The following JAG2 variants were observed in gnomAD, a reference collection of about 807,000 sequenced individuals.
JAG2 encodes jagged canonical Notch ligand 2.
Under a neutral mutation model 141.7 loss-of-function variants are expected in JAG2, and 46 were observed. The ratio of observed to expected loss-of-function variants is 0.32; its 90% CI spans 0.26 to 0.42. The LOEUF (loss-of-function observed/expected upper bound fraction) is 0.42, where lower values mean the gene tolerates loss of function less well. Among genes scored for constraint, JAG2 ranks in the 10% least tolerant of loss-of-function variants. The pLI, the probability that JAG2 is intolerant of heterozygous loss-of-function variation, is 1.00. For missense variants in JAG2, 1,500 were observed against 1,817.5 expected (o/e 0.83, Z 3.18); for synonymous variants, 862 against 763.5 (o/e 1.13, Z -2.13).
At chr14:105,157,212 C>CCCCGG (rs1168817348) in intron 3 of JAG2, among the ~76,000 whole-genome samples, 1 of 152,170 alleles carries the variant, frequency 6.6e-6, no homozygotes, top group African/African-American at 2.4e-5. Context: ...CTGAGCCCAG[C>CCCCGG]CCCGGCTGCT....
rs1888132453 is a variant in JAG2, at chr14:105,143,623, T to C, written c.3100A>G (p.Arg1034Gly). ...VEVAVSFSPA[R>G]DLPDSSLIQG... ...ATCAGGCTGCTGTCAGGCAGGTCCC[T>C]GGCAGGGCTGAAGGACTGCGGCAAA... is the stretch of plus-strand genomic sequence containing the variant. The change falls in exon 25 of 26, where the codon AGG becomes GGG. Residue 1034 changes from arginine to glycine, a missense_variant. Arg to Gly is a moderately radical substitution (Grantham distance 125). Transcript: ENST00000331782. 1.9e-6 allele frequency: 3 copies of C among 1,607,864 alleles called. No homozygotes were observed. The highest frequency in any genetic ancestry group is 3.3e-5 in the Admixed American group (2 of 59,934).
intron 7 of JAG2, 57 bp from the exon 8 acceptor site, chr14:105,151,796 G>A: frequency 1.3e-6 from 2 of 1,597,974 alleles, no homozygotes; most frequent in South Asian, 1.1e-5. Context: ...CTTTCCACAA[G>A]CACTCCTCCC....
chr14:105,159,626 C>A (rs587630748), intron 2 of JAG2, among the ~76,000 whole-genome samples: 9 of 132,942 alleles, frequency 6.8e-5, no homozygotes, highest in Non-Finnish European at 1.4e-4. Flanking sequence ...GAACTCAATC[C>A]ACATCCCCCA....
At position 105,148,042 on chromosome 14, in the gene JAG2, C is replaced by T. The variant is rs962298589; in HGVS notation, c.2248+74G>A. ...GTGGCCCTCAAAAAAGACCCCTCGG[C>T]CCATCGCGCCCGAGGGAGCGGTGCC... On this transcript the variant is annotated intron_variant, in intron 17 of 25. Coordinates refer to ENST00000331782, the MANE Select transcript of JAG2 (RefSeq NM_002226.5). The T allele has an allele frequency of 1.1e-5, 14 of 1,288,268 alleles. No homozygotes were observed. The Admixed American group carries it at 1.6e-4, about 15-fold the overall frequency. The allele number at this position is 1,288,268 out of a possible 1,614,324, so 79.8% of individuals were successfully genotyped here. A position where few individuals can be genotyped will look rare whatever the true frequency, so the allele number is the denominator to read the frequency against.
intron 2 of JAG2, among the ~76,000 whole-genome samples, chr14:105,160,734 G>A (rs1473837181): frequency 9.2e-5 from 14 of 152,184 alleles, no homozygotes; most frequent in African/African-American, 2.2e-4. Context: ...ATGGTGGCAG[G>A]TGTCTGTAGT....
Position 105,151,313 on chromosome 14 carries a change from C to A in JAG2, c.1237G>T (p.Glu413Ter). Residue 413 changes from glutamate to a stop codon, truncating the protein, a stop_gained, in exon 9 of 26, where the codon GAG becomes TAG. Transcript: ENST00000331782. LOFTEE classifies it high-confidence loss of function. ...QVDGFECICP[E>*]QWVGATCQLD... ...TGGCAGGTGGCCCCCACCCACTGCT[C>A]GGGGCAGATGCACTCAAAGCCGTCC... 6.2e-7 allele frequency: 1 copy of A among 1,612,690 alleles called. No homozygotes were observed. Among genetic ancestry groups the A allele is most frequent in the Non-Finnish European group, 8.5e-7 (1 of 1,179,940 alleles).
chr14:105,158,254 G>A (rs1045915120), intron 2 of JAG2, among the ~76,000 whole-genome samples: 4 of 152,128 alleles, frequency 2.6e-5, no homozygotes, highest in African/African-American at 4.8e-5. Flanking sequence ...CCAAGTGCAC[G>A]GGGTGGCCAA....
Position 105,147,488 on chromosome 14 carries a change from G to A in JAG2, c.2393+12C>T, listed in dbSNP as rs777313893. The stretch of plus-strand genomic sequence containing the variant: ...CACCCACCCCTGCTGTGGCCCCCAG[G>A]GTGCCACTCACCAAGGCAGAGGGTT... On this transcript the variant is annotated intron_variant, in intron 19 of 25. Coordinates refer to ENST00000331782, the MANE Select transcript of JAG2 (RefSeq NM_002226.5). The A allele has an allele frequency of 6.8e-6, 11 of 1,611,572 alleles. No individual in the cohort carries two copies. The Admixed American group carries it at 1.5e-4, about 22-fold the overall frequency.
intron 2 of JAG2, among the ~76,000 whole-genome samples, chr14:105,166,040 C>T (rs1479602557): frequency 2.6e-5 from 4 of 152,228 alleles, no homozygotes; most frequent in Admixed American, 1.3e-4. Flanking sequence ...CCCCCAAACA[C>T]GCAGCTATGA....
In JAG2 at chr14:105,151,102, C is replaced by T. The variant is rs1595178725; in HGVS notation, c.1270G>A (p.Ala424Thr). The T allele has an allele frequency of 6.2e-7, 1 of 1,609,426 alleles. No individual in the cohort carries two copies. Among genetic ancestry groups the T allele is most frequent in the Non-Finnish European group, 8.5e-7 (1 of 1,178,262 alleles). Reference sequence around the variant, plus strand: ...CATGGCTTCCCTTCACACTCATTGGCGTCTGTGAAAGAGACAAGGTGGGAG... The same window carrying T: ...CATGGCTTCCCTTCACACTCATTGGTGTCTGTGAAAGAGACAAGGTGGGAG... ...QWVGATCQLD[A>T]NECEGKPCLN... The change falls in exon 10 of 26, where the codon GCC (alanine) becomes ACC (threonine). Residue 424 changes from alanine to threonine, a missense_variant and splice_region_variant. Physicochemically the swap from Ala to Thr is moderately conservative, Grantham distance 58. Transcript: ENST00000331782.
intron 12 of JAG2, 50 bp downstream of exon 12, chr14:105,150,554 C>G: frequency 6.6e-7 from 1 of 1,519,918 alleles, no homozygotes; most frequent in Non-Finnish European, 8.9e-7. Context: ...GAGGCCTGCC[C>G]TACAGCTCCC....
chr14:105,166,695 C>T (rs919810768), intron 2 of JAG2, among the ~76,000 whole-genome samples: 3 of 152,196 alleles, frequency 2.0e-5, no homozygotes, highest in South Asian at 2.1e-4. Flanking sequence ...GCCCAACTGG[C>T]GTGAGCTCGG....
intron 2 of JAG2, among the ~76,000 whole-genome samples, chr14:105,161,034 C>G (rs948250120): frequency 6.6e-6 from 1 of 152,154 alleles, no homozygotes; most frequent in Non-Finnish European, 1.5e-5. Flanking sequence ...CCAGACCCCA[C>G]CACGGACTTC....
chr14:105,150,957 G>A (rs587629778), intron 10 of JAG2, 34 bp downstream of exon 10: 121 of 1,597,486 alleles, frequency 7.6e-5, no homozygotes, highest in South Asian at 1.7e-4. Context: ...CATGTGCCTC[G>A]GCCCACCCGC....
intron 16 of JAG2, 47 bp from the exon 17 acceptor site, chr14:105,148,276 GC>G: frequency 6.3e-7 from 1 of 1,582,368 alleles, no homozygotes; most frequent in Non-Finnish European, 8.6e-7. Flanking sequence ...GACCGCCAGG[GC>G]CAGGGTCCTG....
In JAG2 at chr14:105,146,093, C is replaced by G. The variant is rs901241475; in HGVS notation, c.2710-120G>C. 4.7e-6 allele frequency: 7 copies of G among 1,479,808 alleles called. No individual in the cohort carries two copies. In the African/African-American group the frequency reaches 8.3e-5, roughly 18 times the overall value. The allele number at this position is 1,479,808 out of a possible 1,614,324, so 91.7% of individuals were successfully genotyped here. A position where few individuals can be genotyped will look rare whatever the true frequency, so the allele number is the denominator to read the frequency against. ...TGCCAAGGAGGGACACCGCCCAAGT[C>G]TGTGAGCCCCAGGGCCCAGCCCACC... On this transcript the variant is annotated intron_variant, in intron 22 of 25. Transcript: ENST00000331782.
intron 25 of JAG2, 133 bp from the exon 26 acceptor site, chr14:105,143,303 G>A (rs1595170824): frequency 5.3e-6 from 7 of 1,314,436 alleles, no homozygotes; most frequent in African/African-American, 4.4e-5. Flanking sequence ...GGCTCGTGGG[G>A]AGGGTCCCAG....
intron 12 of JAG2, among the ~76,000 whole-genome samples, 184 bp downstream of exon 12, chr14:105,150,420 C>G (rs1057222563): frequency 1.3e-5 from 2 of 152,172 alleles, no homozygotes; most frequent in Non-Finnish European, 2.9e-5. Context: ...GGGGGCCAAG[C>G]CTGGTGACCT....
At chr14:105,162,074 C>CA (rs1437177813) in intron 2 of JAG2, among the ~76,000 whole-genome samples, 1 of 152,116 alleles carries the variant, frequency 6.6e-6, no homozygotes, top group East Asian at 1.9e-4. Context: ...CTGGCAGGGG[C>CA]AATAGGCGAT....
Sources: gnomAD v4.1 joint callset for allele counts (sites outside exome capture counted in the v4.1 genomes callset) on GRCh38, gnomAD v4.1.1 for gene constraint, MANE v1.5 for transcripts, NCBI Gene and HGNC (gene_info 2026-07-23, HGNC 2026-07-21) for gene names.